RPS6: variants seen among roughly 807,000 people sequenced by gnomAD.
RPS6 encodes the protein ribosomal protein S6.
A neutral mutation model predicts 27.1 loss-of-function variants in RPS6; 1 was observed. The observed-to-expected ratio is 0.04, with a 90% CI of 0.01 to 0.18. The LOEUF (loss-of-function observed/expected upper bound fraction) is 0.18, where lower values mean the gene tolerates loss of function less well. Ranked by LOEUF, RPS6 falls within the 10% of genes least tolerant of loss-of-function variation. The pLI is 1.00. For synonymous variants in RPS6, 152 were observed against 106.0 expected (o/e 1.43, Z -2.66); for missense variants, 259 against 319.1 (o/e 0.81, Z 1.44).
At chr9:19,379,861 C>T (rs1455680256) in intron 1 of RPS6, 2 of 1,424,728 alleles carry the variant, frequency 1.4e-6, no homozygotes, top group African/African-American at 2.9e-5. Context: ...CGAGGGCACT[C>T]CGCAGCCGTT....
At chr9:19,376,829 A>T in intron 4 of RPS6, 178 bp from the exon 5 acceptor site, 1 of 522,944 alleles carries the variant, frequency 1.9e-6, no homozygotes, top group South Asian at 3.4e-5. Flanking sequence ...GAAATCTAGA[A>T]GATTGGTTAA....
intron 4 of RPS6, among the ~76,000 whole-genome samples, chr9:19,377,247 G>A (rs1271826353): frequency 1.3e-5 from 2 of 152,158 alleles, no homozygotes; most frequent in African/African-American, 4.8e-5. Flanking sequence ...TAAATGCTCA[G>A]ATGTTCAGAT....
intron 5 of RPS6, 33 bp from the exon 6 acceptor site, chr9:19,376,421 C>A: frequency 6.2e-7 from 1 of 1,613,180 alleles, no homozygotes; most frequent in Non-Finnish European, 8.5e-7. Context: ...CAGTTAAGGC[C>A]TTTCTGGGTT....
intron 2 of RPS6, 130 bp downstream of exon 2, chr9:19,379,357 T>G: frequency 1.9e-6 from 3 of 1,548,808 alleles, no homozygotes; most frequent in Non-Finnish European, 2.6e-6. Flanking sequence ...CTTTATAAAG[T>G]GGCATTCGGA....
chr9:19,376,644 TTTC>T lies in RPS6; in HGVS notation c.501_503del (p.Lys168del). On this transcript the variant is annotated inframe_deletion, in exon 5 of 6. Coordinates refer to ENST00000380394, the MANE Select transcript of RPS6 (RefSeq NM_001010.3). The stretch of plus-strand genomic sequence containing the variant: ...GAATCTTGGGTGCTTTGGTCCTAGG[TTTC>T]TTACCTAAAAATTCAAAGGACTCAA... The T allele has an allele frequency of 6.2e-7, 1 of 1,600,782 alleles. No individual in the cohort carries two copies.
chr9:19,376,176 A>G lies in RPS6; in HGVS notation c.*117T>C, dbSNP rs1242908398. 2 of 836,746 alleles carry G rather than the reference A, an allele frequency of 2.4e-6. No homozygotes were observed. The highest frequency in any genetic ancestry group is 3.8e-6 in the Non-Finnish European group (2 of 523,550). The allele number at this position is 836,746 out of a possible 1,614,324, so 51.8% of individuals were successfully genotyped here. On this transcript the variant is annotated 3_prime_UTR_variant, in exon 6 of 6. Coordinates refer to ENST00000380394, the MANE Select transcript of RPS6 (RefSeq NM_001010.3). ...TCCACCATTGGAATACCATATATACATATCCCCATTTTCTATGACCTAACT... is the reference window on the plus strand; with the variant it reads ...TCCACCATTGGAATACCATATATACGTATCCCCATTTTCTATGACCTAACT...
intron 1 of RPS6, 149 bp downstream of exon 1, chr9:19,380,041 C>G: frequency 6.4e-7 from 1 of 1,568,876 alleles, no homozygotes; most frequent in Non-Finnish European, 8.6e-7. Context: ...CAAAAAGCTC[C>G]ATGCCCCAGA....
rs889798806 is a variant in RPS6 at position 19,376,171 on chromosome 9, T to C, written c.*122A>G. ...CTTTATCCACCATTGGAATACCATA[T>C]ATACATATCCCCATTTTCTATGACC... On this transcript the variant is annotated 3_prime_UTR_variant, in exon 6 of 6. Transcript: ENST00000380394. 24 of 804,852 alleles carry C rather than the reference T, an allele frequency of 3.0e-5. No individual in the cohort carries two copies. Among genetic ancestry groups the C allele is most frequent in the Non-Finnish European group, 4.8e-5 (24 of 498,434 alleles). The allele number at this position is 804,852 out of a possible 1,614,324, so 49.9% of individuals were successfully genotyped here. A position where few individuals can be genotyped will look rare whatever the true frequency, so the allele number is the denominator to read the frequency against.
chr9:19,379,096 T>G (rs1376479674), intron 2 of RPS6, 178 bp from the exon 3 acceptor site: 3 of 774,072 alleles, frequency 3.9e-6, no homozygotes, highest in Non-Finnish European at 6.0e-6. Flanking sequence ...CTTGTCAAGT[T>G]CAATTATCAA....
intron 1 of RPS6, 181 bp from the exon 2 acceptor site, chr9:19,379,799 C>G: frequency 1.4e-6 from 2 of 1,439,122 alleles, no homozygotes; most frequent in Non-Finnish European, 1.8e-6. Context: ...TCAAGAAGCG[C>G]CGCACTCAGC....
rs746026832 is a variant in RPS6 at position 19,379,391 on chromosome 9, C to G, written c.138+96G>C. The G allele has an allele frequency of 8.3e-6, 13 of 1,567,450 alleles. No homozygotes were observed. The South Asian group carries it at 1.3e-4, about 15-fold the overall frequency. ...GAAGCAACTTACCAAAGGTCAGAAG[C>G]CAGAACCCGGAGTCTGAACCCCATT... On this transcript the variant is annotated intron_variant, in intron 2 of 5. Coordinates refer to ENST00000380394, the MANE Select transcript of RPS6 (RefSeq NM_001010.3).
At chr9:19,379,133 G>C in intron 2 of RPS6, 1 of 770,728 alleles carries the variant, frequency 1.3e-6, no homozygotes, top group Non-Finnish European at 2.0e-6. Flanking sequence ...ATTTCTAACC[G>C]ATGTTTTATT....
intron 4 of RPS6, 154 bp downstream of exon 4, chr9:19,378,214 G>A (rs1829622024): frequency 4.5e-6 from 3 of 673,522 alleles, no homozygotes; most frequent in Non-Finnish European, 7.5e-6. Context: ...AACACCAACT[G>A]GGTATGCTGG....
At chr9:19,379,740 A>G (rs557776415) in intron 1 of RPS6, 122 bp from the exon 2 acceptor site, 277 of 1,505,476 alleles carry the variant, frequency 1.8e-4, no homozygotes, top group Admixed American at 8.6e-4. Context: ...AGCAGGAAAT[A>G]TAAGATGCCG....
rs751410275 is a variant in RPS6, at chr9:19,380,182, T to C, written c.6+8A>G. ...AAACCCAGTCTAACACTCGCCACCA[T>C]CACCTACCTTCATCTTGAAGCAGCT... On this transcript the variant is annotated splice_region_variant and intron_variant, in intron 1 of 5. Transcript: ENST00000380394. 4.2e-5 allele frequency: 68 copies of C among 1,613,950 alleles called. No homozygotes were observed. Among genetic ancestry groups the C allele is most frequent in the Non-Finnish European group, 5.3e-5 (63 of 1,180,014 alleles).
At chr9:19,376,682 T>C in intron 4 of RPS6, 31 bp from the exon 5 acceptor site, 1 of 1,585,268 alleles carries the variant, frequency 6.3e-7, no homozygotes, top group South Asian at 1.2e-5. Context: ...ATCATTTCAA[T>C]ATTTGTTTTG....
rs745442351 is a variant in RPS6 at position 19,376,271 on chromosome 9, T to C, written c.*22A>G. Reference sequence around the variant, plus strand: ...CAACAGAGATCAGAGTCTGATCTTATTTATTTGTTACTCAAAAAATCTTAT... The same window carrying C: ...CAACAGAGATCAGAGTCTGATCTTACTTATTTGTTACTCAAAAAATCTTAT... On this transcript the variant is annotated 3_prime_UTR_variant, in exon 6 of 6. Coordinates refer to ENST00000380394, the MANE Select transcript of RPS6 (RefSeq NM_001010.3). 1.9e-6 allele frequency: 3 copies of C among 1,583,382 alleles called. No individual in the cohort carries two copies. The highest frequency in any genetic ancestry group is 3.5e-5 in the Admixed American group (2 of 57,652).
At chr9:19,376,760 A>G (rs1324327870) in intron 4 of RPS6, 109 bp from the exon 5 acceptor site, 1 of 1,041,556 alleles carries the variant, frequency 9.6e-7, no homozygotes, top group Non-Finnish European at 1.4e-6. Context: ...ATGAAAACCT[A>G]TAATGAGGCC....
At chr9:19,379,193 C>CA (rs1464582062) in intron 2 of RPS6, 6 of 992,954 alleles carry the variant, frequency 6.0e-6, no homozygotes, top group Non-Finnish European at 7.2e-6. Flanking sequence ...ACAAACAAAT[C>CA]AGATACAACC....
Sources: allele counts gnomAD v4.1 joint callset (sites outside exome capture counted in the v4.1 genomes callset), GRCh38; gene constraint gnomAD v4.1.1; transcripts MANE v1.5; gene names NCBI Gene and HGNC (gene_info 2026-07-23, HGNC 2026-07-21).